The following PRKCA variants were observed in gnomAD, a reference collection of about 807,000 sequenced individuals.
The protein encoded by PRKCA is protein kinase C alpha, also known as protein kinase C alpha type.
PRKCA carries 27 observed loss-of-function variants against 87.0 expected under a neutral mutation model. That is an observed-to-expected ratio of 0.31 (90% CI 0.23 to 0.43). The LOEUF (loss-of-function observed/expected upper bound fraction) is 0.43, where lower values mean the gene tolerates loss of function less well. Ranked by LOEUF, PRKCA falls within the 20% of genes least tolerant of loss-of-function variation. PRKCA has a pLI of 1.00. For synonymous variants in PRKCA, 329 were observed against 311.1 expected (o/e 1.06, Z -0.61); for missense variants, 518 against 852.3 (o/e 0.61, Z 4.88).
intron 2 of PRKCA, among the ~76,000 whole-genome samples, chr17:66,345,492 C>T (rs1907303663): frequency 6.6e-6 from 1 of 152,146 alleles, no homozygotes; most frequent in Non-Finnish European, 1.5e-5. Context: ...GTCATCCTGC[C>T]AATAGAGGCA....
At chr17:66,726,668 A>G (rs1473935944) in intron 8 of PRKCA, among the ~76,000 whole-genome samples, 1 of 151,450 alleles carries the variant, frequency 6.6e-6, no homozygotes, top group East Asian at 1.9e-4. Context: ...CAGCCATCAA[A>G]GCACTCAGCC....
chr17:66,481,199 A>C (rs1915761436), intron 2 of PRKCA, among the ~76,000 whole-genome samples: 1 of 151,948 alleles, frequency 6.6e-6, no homozygotes, highest in African/African-American at 2.4e-5. Flanking sequence ...ATGATCCTGA[A>C]ATGTTCTCTT....
At chr17:66,685,978 A>G (rs1972615796) in intron 5 of PRKCA, among the ~76,000 whole-genome samples, 1 of 152,052 alleles carries the variant, frequency 6.6e-6, no homozygotes, top group African/African-American at 2.4e-5. Flanking sequence ...CAGGGACCAC[A>G]CTGTGGGAAC....
chr17:66,723,062 C>T (rs894137575), intron 8 of PRKCA, among the ~76,000 whole-genome samples: 1 of 152,206 alleles, frequency 6.6e-6, no homozygotes, highest in Non-Finnish European at 1.5e-5. Context: ...TCTCCTGCCC[C>T]CCTTAGGAGG....
Position 66,732,844 on chromosome 17 carries a change from G to A in PRKCA, c.1056+19G>A. On this transcript the variant is annotated intron_variant, in intron 9 of 16. Transcript: ENST00000413366. ...TGGAAAGGTAAGAGGACAGTCGTCT[G>A]CAAATTGCAGGGGCTTCTGCAGAGA... The A allele has an allele frequency of 6.2e-7, 1 of 1,606,878 alleles. No individual in the cohort carries two copies. The highest frequency in any genetic ancestry group is 8.5e-7 in the Non-Finnish European group (1 of 1,177,214).
chr17:66,356,589 A>C (rs942189107), intron 2 of PRKCA, among the ~76,000 whole-genome samples: 7 of 152,284 alleles, frequency 4.6e-5, no homozygotes, highest in Non-Finnish European at 1.0e-4. Context: ...GTGCCACTGC[A>C]CTCCAACCTG....
intron 2 of PRKCA, among the ~76,000 whole-genome samples, chr17:66,395,967 A>G (rs987403969): frequency 6.6e-6 from 1 of 151,888 alleles, no homozygotes; most frequent in Non-Finnish European, 1.5e-5. Flanking sequence ...ACCAACATTG[A>G]TGTTTAACCT....
chr17:66,628,848 G>A (rs58147567), intron 3 of PRKCA, among the ~76,000 whole-genome samples: 1,908 of 152,188 alleles, frequency 0.013, 46 homozygotes, highest in African/African-American at 0.043. Flanking sequence ...ACCACATGGA[G>A]AAACCCCGTC....
At chr17:66,573,802 A>G (rs1567907316) in intron 3 of PRKCA, among the ~76,000 whole-genome samples, 1 of 152,218 alleles carries the variant, frequency 6.6e-6, no homozygotes. Flanking sequence ...GTTTCAAAAG[A>G]TGAAATACAA....
At chr17:66,322,317 T>C (rs1905718543) in intron 2 of PRKCA, among the ~76,000 whole-genome samples, 1 of 152,252 alleles carries the variant, frequency 6.6e-6, no homozygotes, top group Non-Finnish European at 1.5e-5. Flanking sequence ...CTGTTTAGTA[T>C]GGTAGCCACT....
intron 3 of PRKCA, among the ~76,000 whole-genome samples, chr17:66,556,921 C>T (rs1968513584): frequency 6.6e-6 from 1 of 152,180 alleles, no homozygotes; most frequent in African/African-American, 2.4e-5. Context: ...CTACCTGATA[C>T]TCCCCGGGGA....
At chr17:66,707,229 G>T (rs567505563) in intron 8 of PRKCA, among the ~76,000 whole-genome samples, 1 of 152,244 alleles carries the variant, frequency 6.6e-6, no homozygotes, top group East Asian at 1.9e-4. Flanking sequence ...CCTTTATGTG[G>T]TTCTCTGGCC....
At position 66,805,757 on chromosome 17, in the gene PRKCA, C is replaced by T. The variant is rs1976018530; in HGVS notation, c.*1720C>T. 6.7e-6 allele frequency: 1 copy of T among 149,422 alleles called. No homozygotes were observed. The highest frequency in any genetic ancestry group is 2.4e-5 in the African/African-American group (1 of 40,988). The allele number at this position is 149,422 out of a possible 1,614,324, so 9.3% of individuals were successfully genotyped here. ...AGTCTGCCTAGTACGTTGGTACACA[C>T]GTGGCATTGCCGCAGCACCTGGGCT... On this transcript the variant is annotated 3_prime_UTR_variant, in exon 17 of 17. Transcript: ENST00000413366.
chr17:66,488,369 A>G (rs1372002430), intron 2 of PRKCA, among the ~76,000 whole-genome samples: 1 of 152,232 alleles, frequency 6.6e-6, no homozygotes, highest in Non-Finnish European at 1.5e-5. Flanking sequence ...TCTGAAGGTG[A>G]TAGCCTTGCT....
rs4273073 is a variant in PRKCA, at chr17:66,409,381, G to A, written c.206-86820G>A. Among the ~76,000 whole-genome samples the A allele has an allele frequency of 7.9e-3, 1,207 of 152,242 alleles. 33 individuals carry two copies. Among genetic ancestry groups the A allele is most frequent in the Admixed American group, 0.055 (837 of 15,284 alleles). ...CACCTCCTTGTCTTGGACTCCTGTG[G>A]ACCATGTCTGTTCCATTGATGAATT... On this transcript the variant is annotated intron_variant, in intron 2 of 16. Coordinates refer to ENST00000413366, the MANE Select transcript of PRKCA (RefSeq NM_002737.3).
intron 3 of PRKCA, among the ~76,000 whole-genome samples, chr17:66,510,180 G>A (rs549067632): frequency 6.6e-6 from 1 of 152,246 alleles, no homozygotes; most frequent in South Asian, 2.1e-4. Flanking sequence ...TCCTAGGAGT[G>A]GAATATCTGT....
At chr17:66,655,568 A>G (rs1379670006) in intron 5 of PRKCA, among the ~76,000 whole-genome samples, 1 of 152,174 alleles carries the variant, frequency 6.6e-6, no homozygotes, top group Non-Finnish European at 1.5e-5. Flanking sequence ...AACATGTATT[A>G]TGAGATTTCA....
At chr17:66,614,265 G>T (rs1048411409) in intron 3 of PRKCA, among the ~76,000 whole-genome samples, 2 of 152,144 alleles carry the variant, frequency 1.3e-5, no homozygotes, top group African/African-American at 4.8e-5. Flanking sequence ...AGATTTTCAT[G>T]TATGCTACCT....
chr17:66,534,636 C>T (rs570333186), intron 3 of PRKCA, among the ~76,000 whole-genome samples: 31 of 152,236 alleles, frequency 2.0e-4, no homozygotes, highest in African/African-American at 6.5e-4. Context: ...CACTGCACTC[C>T]AGCCTGGGTG....
Sources: allele counts gnomAD v4.1 joint callset (sites outside exome capture counted in the v4.1 genomes callset), GRCh38; gene constraint gnomAD v4.1.1; transcripts MANE v1.5; gene names NCBI Gene and HGNC (gene_info 2026-07-23, HGNC 2026-07-21).